RAP1B: variants seen among roughly 807,000 people sequenced by gnomAD.
RAP1B encodes the protein RAP1B, member of RAS oncogene family.
Under a neutral mutation model 27.5 loss-of-function variants are expected in RAP1B, and 1 was observed. The observed-to-expected ratio is 0.04, with a 90% CI of 0.01 to 0.17. RAP1B has a LOEUF of 0.17. RAP1B is among the 10% of genes least tolerant of loss of function. The pLI is 1.00. For missense variants in RAP1B, 84 were observed against 214.8 expected, an observed-to-expected ratio of 0.39 and a Z score of 3.81; for synonymous variants, 75 against 73.1, an observed-to-expected ratio of 1.03 and a Z score of -0.13.
chr12:68,620,587 C>T (rs1248518835), intron 1 of RAP1B, among the ~76,000 whole-genome samples: 1 of 150,810 alleles, frequency 6.6e-6, no homozygotes, highest in Non-Finnish European at 1.5e-5. Context: ...GGGATAAGTC[C>T]AAATTTTATT....
intron 1 of RAP1B, among the ~76,000 whole-genome samples, chr12:68,616,258 G>A (rs1215335750): frequency 1.3e-5 from 2 of 151,072 alleles, no homozygotes; most frequent in Non-Finnish European, 3.0e-5. Flanking sequence ...CACTGTGCCC[G>A]GCCTTTGTTT....
At chr12:68,618,086 CTTTTTTTTT>C (rs36224976) in intron 1 of RAP1B, among the ~76,000 whole-genome samples, 5,371 of 61,096 alleles carry the variant, frequency 0.088, 487 homozygotes, top group African/African-American at 0.27. Context: ...TTCTATAAAG[CTTTTTTTTT>C]TTTTTTTTTT....
At chr12:68,639,587 T>C (rs1592448073) in intron 1 of RAP1B, among the ~76,000 whole-genome samples, 1 of 152,292 alleles carries the variant, frequency 6.6e-6, no homozygotes, top group East Asian at 1.9e-4. Context: ...TCTTGAGATA[T>C]GCTGCCCTGA....
chr12:68,614,248 T>G (rs1763842387), intron 1 of RAP1B, among the ~76,000 whole-genome samples: 1 of 152,264 alleles, frequency 6.6e-6, no homozygotes, highest in African/African-American at 2.4e-5. Flanking sequence ...ACAGAGAATT[T>G]GACCGATTTT....
intron 1 of RAP1B, among the ~76,000 whole-genome samples, chr12:68,617,240 A>G (rs2135911986): frequency 6.6e-6 from 1 of 152,364 alleles, no homozygotes; most frequent in East Asian, 1.9e-4. Flanking sequence ...GCCAAAAGGT[A>G]TGTATGTTGC....
At chr12:68,640,460 A>G (rs1267025365) in intron 1 of RAP1B, among the ~76,000 whole-genome samples, 2 of 152,158 alleles carry the variant, frequency 1.3e-5, no homozygotes, top group Non-Finnish European at 2.9e-5. Flanking sequence ...AATAGTGCCT[A>G]ACATATATTA....
At chr12:68,644,775 A>C (rs1592455103) in intron 1 of RAP1B, among the ~76,000 whole-genome samples, 1 of 128,314 alleles carries the variant, frequency 7.8e-6, no homozygotes, top group South Asian at 2.6e-4. Flanking sequence ...TGCAACCTCC[A>C]CCTCCTGGGT....
At chr12:68,649,619 A>G (rs1237630357) in intron 2 of RAP1B, 1 of 152,226 alleles carries the variant, frequency 6.6e-6, no homozygotes, top group Non-Finnish European at 1.5e-5. Context: ...CACTCATAAG[A>G]TAAACCATCT....
chr12:68,621,110 A>G (rs1481381620), intron 1 of RAP1B, among the ~76,000 whole-genome samples: 1 of 152,152 alleles, frequency 6.6e-6, no homozygotes, highest in Non-Finnish European at 1.5e-5. Context: ...GAGGAAGAAA[A>G]AGGTTTAGGG....
At position 68,619,242 on chromosome 12, in the gene RAP1B, A is replaced by T. The variant is rs148911625; in HGVS notation, c.-27+8199A>T. Among the ~76,000 whole-genome samples the T allele has an allele frequency of 2.7e-3, 404 of 152,368 alleles. 3 individuals carry two copies. The highest frequency in any genetic ancestry group is 9.3e-3 in the African/African-American group (385 of 41,588). On this transcript the variant is annotated intron_variant, in intron 1 of 7. Transcript: ENST00000250559. The stretch of plus-strand genomic sequence containing the variant: ...TAAAAGAATGCCAGACTTGGGCATT[A>T]GGCTGACATTTTCTTGAAAACAGTG...
At chr12:68,615,514 G>C (rs1870920388) in intron 1 of RAP1B, among the ~76,000 whole-genome samples, 1 of 151,764 alleles carries the variant, frequency 6.6e-6, no homozygotes, top group Admixed American at 6.6e-5. Context: ...GCTTGAACCT[G>C]GGAGGCGGAG....
At chr12:68,616,738 T>G (rs1354630732) in intron 1 of RAP1B, among the ~76,000 whole-genome samples, 2 of 151,752 alleles carry the variant, frequency 1.3e-5, no homozygotes, top group Non-Finnish European at 2.9e-5. Flanking sequence ...CCGGCCAGGT[T>G]TTGTATTTTT....
chr12:68,670,573 C>G lies in RAP1B; in HGVS notation c.*11324C>G, dbSNP rs556775758. ...ATGTCCCAATAAGCCCATCAGAAGTCAAAAATGTAAGTCGAAAATGCATTT... is the reference window on the plus strand; with the variant it reads ...ATGTCCCAATAAGCCCATCAGAAGTGAAAAATGTAAGTCGAAAATGCATTT... On this transcript the variant is annotated 3_prime_UTR_variant, in exon 8 of 8. Coordinates refer to ENST00000250559, the MANE Select transcript of RAP1B (RefSeq NM_001010942.3). 4.6e-5 allele frequency: 7 copies of G among 152,182 alleles called. No individual in the cohort carries two copies. Among genetic ancestry groups the G allele is most frequent in the African/African-American group, 1.7e-4 (7 of 41,512 alleles). The allele number at this position is 152,182 out of a possible 1,614,324, so 9.4% of individuals were successfully genotyped here. A position where few individuals can be genotyped will look rare whatever the true frequency, so the allele number is the denominator to read the frequency against.
intron 7 of RAP1B, chr12:68,657,800 T>C: frequency 7.1e-6 from 1 of 141,406 alleles, no homozygotes. Context: ...GAGCCACCGC[T>C]CCCAGCCAAC....
intron 3 of RAP1B, chr12:68,651,009 C>G (rs1051296571): frequency 6.6e-6 from 1 of 152,194 alleles, no homozygotes; most frequent in Non-Finnish European, 1.5e-5. Context: ...TCATATACAC[C>G]TCATACACAT....
chr12:68,625,321 A>G (rs917023401), intron 1 of RAP1B, among the ~76,000 whole-genome samples: 1 of 152,226 alleles, frequency 6.6e-6, no homozygotes, highest in South Asian at 2.1e-4. Context: ...TTATAAAAGG[A>G]AGAACTGTTA....
chr12:68,671,451 A>G lies in RAP1B; in HGVS notation c.*12202A>G, dbSNP rs1003520920. On this transcript the variant is annotated 3_prime_UTR_variant, in exon 8 of 8. Coordinates refer to ENST00000250559, the MANE Select transcript of RAP1B (RefSeq NM_001010942.3). ...AGAATAGTTGAATAAATTATGATTC[A>G]TGCATAATATAGAACATTATGCATT... 6.6e-6 allele frequency: 1 copy of G among 152,236 alleles called. No individual in the cohort carries two copies. Among genetic ancestry groups the G allele is most frequent in the African/African-American group, 2.4e-5 (1 of 41,464 alleles). 9.4% of individuals were successfully genotyped at this position (152,236 alleles called of 1,614,324 possible).
At chr12:68,642,722 G>T in intron 1 of RAP1B, 1 of 1,085,358 alleles carries the variant, frequency 9.2e-7, no homozygotes, top group South Asian at 1.2e-5. Context: ...TTTTTCTTCG[G>T]CATCCACCTG....
chr12:68,613,641 T>G (rs893027451), intron 1 of RAP1B, among the ~76,000 whole-genome samples: 6 of 152,230 alleles, frequency 3.9e-5, no homozygotes, highest in African/African-American at 1.4e-4. Flanking sequence ...CAGTTAAATG[T>G]AAGTACCATG....
Sources: gnomAD v4.1 joint callset for allele counts (sites outside exome capture counted in the v4.1 genomes callset) on GRCh38, gnomAD v4.1.1 for gene constraint, MANE v1.5 for transcripts, NCBI Gene and HGNC (gene_info 2026-07-23, HGNC 2026-07-21) for gene names.